ITFG1: variants seen among roughly 807,000 people sequenced by gnomAD.
The protein encoded by ITFG1 is T-cell immunomodulatory protein.
Under a neutral mutation model 81.8 loss-of-function variants are expected in ITFG1, and 34 were observed. The observed-to-expected ratio is 0.42, with a 90% CI of 0.32 to 0.55. ITFG1 has a LOEUF of 0.55. Ranked by LOEUF, ITFG1 falls within the 20% of genes least tolerant of loss-of-function variation. ITFG1 has a pLI of 0.17. For missense variants in ITFG1, 672 were observed against 755.4 expected, an observed-to-expected ratio of 0.89 and a Z score of 1.29; for synonymous variants, 285 against 270.6, an observed-to-expected ratio of 1.05 and a Z score of -0.52.
chr16:47,287,148 A>G (rs1966872643), intron 10 of ITFG1, among the ~76,000 whole-genome samples: 1 of 152,212 alleles, frequency 6.6e-6, no homozygotes. Flanking sequence ...CTAGACCCGA[A>G]GACCATTCTA....
intron 6 of ITFG1, chr16:47,426,140 C>T (rs1467133593): frequency 6.6e-6 from 1 of 152,038 alleles, no homozygotes; most frequent in Admixed American, 6.5e-5. Context: ...TTAAGAATTT[C>T]ATGTAGGGCC....
At chr16:47,398,795 G>A (rs1445816712) in intron 6 of ITFG1, among the ~76,000 whole-genome samples, 1 of 152,200 alleles carries the variant, frequency 6.6e-6, no homozygotes, top group Non-Finnish European at 1.5e-5. Flanking sequence ...TGAAGCCCTA[G>A]TGACGTTAAA....
intron 6 of ITFG1, among the ~76,000 whole-genome samples, chr16:47,410,756 T>C (rs746733371): frequency 6.6e-6 from 1 of 152,070 alleles, no homozygotes; most frequent in Non-Finnish European, 1.5e-5. Context: ...CCATAGACGT[T>C]GGAATTGGCA....
At chr16:47,433,910 G>A (rs8052243) in intron 5 of ITFG1, among the ~76,000 whole-genome samples, 12,923 of 102,650 alleles carry the variant, frequency 0.13, 1,854 homozygotes, top group African/African-American at 0.34. Flanking sequence ...ATATATAGTT[G>A]TCAATAAGAA....
At chr16:47,222,295 C>T (rs1596816943) in intron 13 of ITFG1, among the ~76,000 whole-genome samples, 1 of 151,124 alleles carries the variant, frequency 6.6e-6, no homozygotes. Flanking sequence ...TGTCTTTGTT[C>T]TCGTTGGTTT....
intron 14 of ITFG1, among the ~76,000 whole-genome samples, chr16:47,181,031 C>T (rs558551237): frequency 1.8e-4 from 27 of 149,012 alleles, no homozygotes; most frequent in East Asian, 6.1e-4. Context: ...TCTGCCCGGC[C>T]GCCATACCAT....
intron 10 of ITFG1, among the ~76,000 whole-genome samples, chr16:47,288,017 C>G (rs1380821987): frequency 1.3e-5 from 2 of 152,168 alleles, no homozygotes; most frequent in Admixed American, 6.5e-5. Flanking sequence ...TAGTTGCATC[C>G]TGTAGACTAG....
intron 14 of ITFG1, among the ~76,000 whole-genome samples, chr16:47,166,415 C>G (rs1407279788): frequency 6.6e-6 from 1 of 152,106 alleles, no homozygotes; most frequent in African/African-American, 2.4e-5. Flanking sequence ...TACTTTTTTT[C>G]TCCAAGGCAA....
intron 6 of ITFG1, among the ~76,000 whole-genome samples, chr16:47,378,355 TAGA>T (rs1968353385): frequency 6.6e-6 from 1 of 152,206 alleles, no homozygotes; most frequent in Non-Finnish European, 1.5e-5. Flanking sequence ...GTCATGGGAT[TAGA>T]AGAATGACTC....
At chr16:47,313,705 T>A (rs771897252) in intron 9 of ITFG1, 24 bp downstream of exon 9, 4 of 1,314,964 alleles carry the variant, frequency 3.0e-6, no homozygotes, top group Non-Finnish European at 4.3e-6. Context: ...AAAAAATGTT[T>A]ACATTAAAAA....
At chr16:47,286,072 G>T (rs538200749) in intron 10 of ITFG1, among the ~76,000 whole-genome samples, 1 of 152,300 alleles carries the variant, frequency 6.6e-6, no homozygotes, top group South Asian at 2.1e-4. Flanking sequence ...ACTGCTTGGG[G>T]CAAGTTGGGT....
chr16:47,443,329 A>G (rs1393623400), intron 5 of ITFG1, among the ~76,000 whole-genome samples: 1 of 152,198 alleles, frequency 6.6e-6, no homozygotes, highest in African/African-American at 2.4e-5. Flanking sequence ...CCATTGTGGA[A>G]GTCAGTGTGG....
chr16:47,410,978 G>A (rs1292378215), intron 6 of ITFG1, among the ~76,000 whole-genome samples: 1 of 152,154 alleles, frequency 6.6e-6, no homozygotes, highest in Non-Finnish European at 1.5e-5. Context: ...CAAGGCCCCT[G>A]CCTGGCAGCT....
chr16:47,200,204 G>A (rs567074797), intron 14 of ITFG1, among the ~76,000 whole-genome samples: 1 of 152,258 alleles, frequency 6.6e-6, no homozygotes, highest in African/African-American at 2.4e-5. Flanking sequence ...TATGATGTTT[G>A]CAAATGAAAT....
At chr16:47,353,343 A>G (rs1042367360) in intron 8 of ITFG1, among the ~76,000 whole-genome samples, 1 of 152,226 alleles carries the variant, frequency 6.6e-6, no homozygotes, top group Non-Finnish European at 1.5e-5. Flanking sequence ...GACAGAATTC[A>G]GTATCCCTTT....
intron 8 of ITFG1, among the ~76,000 whole-genome samples, chr16:47,347,825 G>A (rs1008349323): frequency 3.9e-5 from 6 of 152,190 alleles, no homozygotes; most frequent in Admixed American, 1.3e-4. Flanking sequence ...TCACATGGCC[G>A]GGTACCCCTC....
At chr16:47,162,874 G>A (rs1455570658) in intron 14 of ITFG1, 1 of 392,960 alleles carries the variant, frequency 2.5e-6, no homozygotes. Context: ...CTGCAGTGCA[G>A]TAGCACTGCA....
chr16:47,374,915 G>T (rs942948327), intron 7 of ITFG1, among the ~76,000 whole-genome samples: 1 of 152,198 alleles, frequency 6.6e-6, no homozygotes, highest in South Asian at 2.1e-4. Context: ...ATGAGGGATG[G>T]CTGATAATGA....
rs184936418 is a variant in ITFG1 at position 47,225,219 on chromosome 16, T to C, written c.1375-6273A>G. On this transcript the variant is annotated intron_variant, in intron 13 of 17. Transcript: ENST00000320640. ...GAAATAATCAGCAAAATTGAAGATA[T>C]GTCAATTCATATTATCTAGTCTGAA... is the stretch of plus-strand genomic sequence containing the variant. 2.0e-3 allele frequency among the ~76,000 whole-genome samples: 304 copies of C among 151,540 alleles called. 3 individuals are homozygous for C. The highest frequency in any genetic ancestry group is 6.9e-3 in the African/African-American group (284 of 41,272).
Sources: allele counts gnomAD v4.1 joint callset (sites outside exome capture counted in the v4.1 genomes callset), GRCh38; gene constraint gnomAD v4.1.1; transcripts MANE v1.5; gene names NCBI Gene and HGNC (gene_info 2026-07-23, HGNC 2026-07-21).